MRPL55: variants seen among roughly 807,000 people sequenced by gnomAD.
MRPL55 encodes the protein mitochondrial ribosomal protein L55, also known as large ribosomal subunit protein mL55.
A neutral mutation model predicts 10.6 loss-of-function variants in MRPL55; 7 were observed. The observed-to-expected ratio is 0.66, with a 90% CI of 0.38 to 1.24. The LOEUF is 1.24. Among genes scored for constraint, MRPL55 ranks in the 50% most tolerant of loss-of-function variants. MRPL55 has a pLI of 0.02. For missense variants in MRPL55, 148 were observed against 180.3 expected, an observed-to-expected ratio of 0.82 and a Z score of 1.03; for synonymous variants, 57 against 71.8, an observed-to-expected ratio of 0.79 and a Z score of 1.04.
rs758299560 is a variant in MRPL55, at chr1:228,106,795, G to A, written c.352C>T (p.Arg118Cys). 1.2e-5 allele frequency: 20 copies of A among 1,613,928 alleles called. No individual in the cohort carries two copies. In the South Asian group the frequency reaches 1.4e-4, roughly 12 times the overall value. ...QELSDDLHVE[R>C]YRQFWTRTKK is the part of the protein sequence containing the mutation. Reference sequence around the variant, plus strand: ...GTCCTGGTCCAGAACTGTCGGTAGCGCTCCACATGCAAGTCATCACTGAGC... The same window carrying A: ...GTCCTGGTCCAGAACTGTCGGTAGCACTCCACATGCAAGTCATCACTGAGC... Residue 118 changes from arginine (R) to cysteine (C), a missense_variant, in exon 5 of 5, where the codon CGC becomes TGC. Physicochemically the swap from Arg to Cys is radical, Grantham distance 180. Coordinates refer to ENST00000336520, the MANE Select transcript of MRPL55 (RefSeq NM_181463.3).
At position 228,107,761 on chromosome 1, in the gene MRPL55, GC is replaced by G; in HGVS notation, c.134del (p.Arg45ProfsTer13). 6.2e-7 allele frequency: 1 copy of G among 1,613,294 alleles called. No individual in the cohort carries two copies. Among genetic ancestry groups the G allele is most frequent in the Non-Finnish European group, 8.5e-7 (1 of 1,180,030 alleles). On this transcript the variant is annotated frameshift_variant, in exon 4 of 5. Transcript: ENST00000336520. LOFTEE classifies it high-confidence loss of function. The stretch of plus-strand genomic sequence containing the variant: ...CGGGGTAGAGTCGTGCATAAGCCTG[GC>G]GGTGCACACGAGTGAGTGAGGCCCT... ...SSRASLTRVH[R>X]QAYARLYPVL...
chr1:228,108,376 TTTC>T (rs1477677747), intron 2 of MRPL55, 58 bp from the exon 3 acceptor site: 17 of 1,148,826 alleles, frequency 1.5e-5, no homozygotes, highest in Non-Finnish European at 1.7e-5. Flanking sequence ...CACCTAATGG[TTTC>T]TTATCAAATC....
At chr1:228,108,470 A>C (rs1571862578) in intron 2 of MRPL55, 152 bp from the exon 3 acceptor site, 1 of 584,934 alleles carries the variant, frequency 1.7e-6, no homozygotes, top group Non-Finnish European at 3.0e-6. Context: ...ACTTCTCAGA[A>C]CCGCCTGTAG....
At chr1:228,107,294 T>C (rs2033231803) in intron 4 of MRPL55, among the ~76,000 whole-genome samples, 1 of 152,112 alleles carries the variant, frequency 6.6e-6, no homozygotes, top group South Asian at 2.1e-4. Context: ...CATGGTGGTG[T>C]GCACCTGCAG....
chr1:228,108,405 T>C, intron 2 of MRPL55, 87 bp from the exon 3 acceptor site: 2 of 876,420 alleles, frequency 2.3e-6, no homozygotes, highest in South Asian at 3.4e-5. Context: ...CCAGGATGCT[T>C]CCAAGACACA....
In MRPL55 at chr1:228,108,232, T is replaced by C; in HGVS notation, c.26+3A>G. The C allele has an allele frequency of 6.2e-7, 1 of 1,610,932 alleles. No homozygotes were observed. Among genetic ancestry groups the C allele is most frequent in the South Asian group, 1.1e-5 (1 of 90,318 alleles). ...CCCCAGGGACCTAAAAGTCCATGCT[T>C]ACCCAAGCAGGCTGCCCACGGCCGC... On this transcript the variant is annotated splice_donor_region_variant and intron_variant, in intron 3 of 4. Transcript: ENST00000336520.
chr1:228,107,276 T>G (rs2033227410), intron 4 of MRPL55, among the ~76,000 whole-genome samples: 1 of 151,818 alleles, frequency 6.6e-6, no homozygotes, highest in Non-Finnish European at 1.5e-5. Context: ...TTCAAAAAAT[T>G]AGTGAGGCAT....
In MRPL55 at chr1:228,109,266, T is replaced by G. The variant is rs1304629841; in HGVS notation, c.-243A>C. On this transcript the variant is annotated 5_prime_UTR_variant, in exon 1 of 5. Transcript: ENST00000336520. ...CAGGAGATCAAGGTACTCACTGCGT[T>G]GGGTGCTGCTGCGCTGCAGCCCACG... 6.6e-6 allele frequency: 1 copy of G among 152,530 alleles called. No homozygotes were observed. The highest frequency in any genetic ancestry group is 2.4e-5 in the African/African-American group (1 of 41,462). The allele number at this position is 152,530 out of a possible 1,614,324, so 9.4% of individuals were successfully genotyped here.
intron 2 of MRPL55, chr1:228,108,717 G>A: frequency 5.7e-6 from 1 of 174,078 alleles, no homozygotes; most frequent in Non-Finnish European, 1.2e-5. Context: ...GGAGGCCCAG[G>A]GCTGCTTTGC....
chr1:228,108,416 T>G (rs752682219), intron 2 of MRPL55, 98 bp from the exon 3 acceptor site: 14 of 767,590 alleles, frequency 1.8e-5, no homozygotes, highest in Non-Finnish European at 2.7e-5. Flanking sequence ...CCAAGACACA[T>G]GTAATCACCA....
At position 228,108,218 on chromosome 1, in the gene MRPL55, TA is replaced by T. The variant is rs370988261; in HGVS notation, c.26+16del. On this transcript the variant is annotated intron_variant, in intron 3 of 4. Coordinates refer to ENST00000336520, the MANE Select transcript of MRPL55 (RefSeq NM_181463.3). ...CCCCTGACAGTAATCCCCAGGGACCTAAAAGTCCATGCTTACCCAAGCAGGC... is the reference window on the plus strand; with the variant it reads ...CCCCTGACAGTAATCCCCAGGGACCTAAAGTCCATGCTTACCCAAGCAGGC... The T allele has an allele frequency of 9.7e-3, 15,553 of 1,609,580 alleles. 103 individuals carry two copies. The highest frequency in any genetic ancestry group is 0.021 in the Middle Eastern group (127 of 6,056).
chr1:228,108,478 T>C (rs573843029), intron 2 of MRPL55, 160 bp from the exon 3 acceptor site: 23 of 564,970 alleles, frequency 4.1e-5, no homozygotes, highest in South Asian at 3.9e-4. Context: ...GAACCGCCTG[T>C]AGAGGTTTTT....
intron 4 of MRPL55, among the ~76,000 whole-genome samples, chr1:228,107,405 C>T (rs1328917020): frequency 6.6e-6 from 1 of 152,194 alleles, no homozygotes; most frequent in Non-Finnish European, 1.5e-5. Flanking sequence ...GCCTGGTTGA[C>T]AGAGCAAGAC....
At chr1:228,107,570 C>T in intron 4 of MRPL55, 98 bp downstream of exon 4, 2 of 1,091,390 alleles carry the variant, frequency 1.8e-6, no homozygotes, top group Non-Finnish European at 2.7e-6. Context: ...ACAGTGACCA[C>T]AGCCACATGT....
At chr1:228,106,946 A>G (rs2033180334) in intron 4 of MRPL55, 28 bp from the exon 5 acceptor site, 2 of 1,597,738 alleles carry the variant, frequency 1.3e-6, no homozygotes, top group Non-Finnish European at 1.7e-6. Context: ...AGTTTCGTCC[A>G]TGTGGATCGA....
At chr1:228,107,540 CCT>C (rs771644847) in intron 4 of MRPL55, 126 bp downstream of exon 4, 13 of 862,590 alleles carry the variant, frequency 1.5e-5, no homozygotes, top group East Asian at 7.9e-5. Flanking sequence ...CACCTGCTCC[CCT>C]GACTCCTGTC....
At chr1:228,107,060 C>T in intron 4 of MRPL55, 142 bp from the exon 5 acceptor site, 1 of 623,614 alleles carries the variant, frequency 1.6e-6, no homozygotes, top group East Asian at 2.7e-5. Flanking sequence ...TGGTCTCTCC[C>T]TTCAAAGCTT....
At position 228,107,933 on chromosome 1, in the gene MRPL55, AGGCT is replaced by A. The variant is rs777855484; in HGVS notation, c.27-68_27-65del. 36 of 1,591,536 alleles carry A rather than the reference AGGCT, an allele frequency of 2.3e-5. 1 individual carries two copies. The South Asian group carries it at 3.9e-4, about 17-fold the overall frequency. On this transcript the variant is annotated intron_variant, in intron 3 of 4. Coordinates refer to ENST00000336520, the MANE Select transcript of MRPL55 (RefSeq NM_181463.3). Reference sequence around the variant, plus strand: ...CTGCAGCAGAGTGCCAACATGACTGAGGCTGGCTGTGATTGGGCACTGCCGGGCC... The same window carrying A: ...CTGCAGCAGAGTGCCAACATGACTGAGGCTGTGATTGGGCACTGCCGGGCC...
intron 2 of MRPL55, chr1:228,108,554 T>G (rs930185498): frequency 6.3e-6 from 3 of 477,948 alleles, no homozygotes; most frequent in Non-Finnish European, 1.1e-5. Flanking sequence ...GCCCAGGCTG[T>G]CTGTTCTGGC....
Sources: gnomAD v4.1 joint callset for allele counts (sites outside exome capture counted in the v4.1 genomes callset) on GRCh38, gnomAD v4.1.1 for gene constraint, MANE v1.5 for transcripts, NCBI Gene and HGNC (gene_info 2026-07-23, HGNC 2026-07-21) for gene names.